DNAJB1: variants seen among roughly 807,000 people sequenced by gnomAD.
DNAJB1 encodes dnaJ homolog subfamily B member 1.
A neutral mutation model predicts 24.0 loss-of-function variants in DNAJB1; 14 were observed. That is an observed-to-expected ratio of 0.58 (90% CI 0.39 to 0.91). The LOEUF (loss-of-function observed/expected upper bound fraction) is 0.91. Ranked by LOEUF, DNAJB1 falls within the 40% of genes least tolerant of loss-of-function variation. DNAJB1 has a pLI of 0.00. For missense variants in DNAJB1, 517 were observed against 458.1 expected (o/e 1.13, Z -1.17); for synonymous variants, 262 against 174.4 (o/e 1.50, Z -3.96).
At chr19:14,519,411 A>C (rs1189157293), upstream of DNAJB1, among the ~76,000 whole-genome samples, 1 of 152,160 alleles carries the variant, frequency 6.6e-6, no homozygotes, top group South Asian at 2.1e-4. Flanking sequence ...ATGAACAAAA[A>C]ACCCACCAGC....
chr19:14,539,140 ATTTTTTTTTTTTTT>A (rs57801378), intron 1 of DNAJB1, among the ~76,000 whole-genome samples: 13 of 92,544 alleles, frequency 1.4e-4, no homozygotes, highest in Admixed American at 1.1e-3. Flanking sequence ...CGCCCGGCTA[ATTTTTTTTTTTTTT>A]TTTTTTTTTT....
At position 14,518,207 on chromosome 19, in the gene DNAJB1, A is replaced by G. The variant is rs199815171; in HGVS notation, c.143T>C (p.Ile48Thr). ...GCTGAGCACGTCGTAGGCCTCAGCG[A>G]TCTCCTTGAACTTCTCCTCGGCGCC... is the stretch of plus-strand genomic sequence containing the variant. ...EPGAEEKFKEIAEAYDVLSDP... is the reference protein window; with the variant it reads ...EPGAEEKFKETAEAYDVLSDP... Residue 48 changes from isoleucine to threonine, a missense_variant, in exon 1 of 3, where the codon ATC (isoleucine) becomes ACC (threonine). By Grantham distance (89) the Ile-to-Thr change is moderately conservative. Transcript: ENST00000254322. The G allele has an allele frequency of 3.7e-6, 6 of 1,609,446 alleles. No homozygotes were observed. In the Admixed American group the frequency reaches 8.4e-5, roughly 23 times the overall value.
chr19:14,557,905 A>C lies in DNAJB1; in HGVS notation c.-2166+2126T>G, dbSNP rs913951437. Among the ~76,000 whole-genome samples the C allele has an allele frequency of 2.0e-5, 3 of 151,460 alleles. No homozygotes were observed. In the East Asian group the frequency reaches 5.8e-4, roughly 29 times the overall value. Reference sequence around the variant, plus strand: ...CGAGTAGCTGGGACTACAGGCACCCACCACCGCACCCGGCTAATTTTTTGT... The same window carrying C: ...CGAGTAGCTGGGACTACAGGCACCCCCCACCGCACCCGGCTAATTTTTTGT... On this transcript the variant is annotated intron_variant, in intron 1 of 5. Transcript: ENST00000679223.
At chr19:14,529,521 C>T (rs1384686372), upstream of DNAJB1, 4 of 831,794 alleles carry the variant, frequency 4.8e-6, no homozygotes, top group East Asian at 2.6e-5. Context: ...CAGGGGCGAA[C>T]GTGGGCGCCT....
intron 1 of DNAJB1, among the ~76,000 whole-genome samples, chr19:14,556,327 T>C (rs1321292231): frequency 4.0e-5 from 6 of 151,512 alleles, no homozygotes; most frequent in Non-Finnish European, 7.4e-5. Flanking sequence ...CTGACCACTC[T>C]CAAATGGCCA....
chr19:14,543,419 A>ATTTTTTTTT lies in DNAJB1; in HGVS notation c.-214+6780_-214+6788dup, dbSNP rs1169742953. On this transcript the variant is annotated intron_variant, in intron 1 of 3. Transcript: ENST00000676982. Reference sequence around the variant, plus strand: ...TATATATATATATATATATATATATATTTTTTTTTTTTTTTTTTTTTTTTT... The same window carrying ATTTTTTTTT: ...TATATATATATATATATATATATATATTTTTTTTTTTTTTTTTTTTTTTTTTTTTTTTTT... Among the ~76,000 whole-genome samples, 2 of 21,894 alleles carry ATTTTTTTTT rather than the reference A, an allele frequency of 9.1e-5. 1 individual carries two copies. Among genetic ancestry groups the ATTTTTTTTT allele is most frequent in the Non-Finnish European group, 1.5e-4 (2 of 13,792 alleles). The allele number at this position is 21,894 out of a possible 152,430, so 14.4% of individuals were successfully genotyped here. A position where few individuals can be genotyped will look rare whatever the true frequency, so the allele number is the denominator to read the frequency against.
At chr19:14,529,855 C>G (rs1252554078), upstream of DNAJB1, 19 of 1,129,464 alleles carry the variant, frequency 1.7e-5, no homozygotes, top group South Asian at 2.6e-5. Flanking sequence ...GCGTTGCGCC[C>G]CGGGCCACTC....
At chr19:14,524,444 G>C (rs1410126717) in intron 2 of DNAJB1, among the ~76,000 whole-genome samples, 2 of 151,826 alleles carry the variant, frequency 1.3e-5, no homozygotes, top group Non-Finnish European at 2.9e-5. Flanking sequence ...GATCACTTGA[G>C]CTCAGGAATT....
At chr19:14,542,013 C>A (rs964284139) in intron 1 of DNAJB1, among the ~76,000 whole-genome samples, 2 of 152,094 alleles carry the variant, frequency 1.3e-5, no homozygotes, top group African/African-American at 4.8e-5. Context: ...GAACTCCTGA[C>A]CTCAAGTGAT....
chr19:14,545,241 A>T (rs1421430342), intron 1 of DNAJB1: 2 of 456,286 alleles, frequency 4.4e-6, no homozygotes, highest in Non-Finnish European at 8.8e-6. Context: ...GCTCCCCCTA[A>T]AATTTACTCT....
intron 1 of DNAJB1, among the ~76,000 whole-genome samples, chr19:14,535,564 ATATATATATATATATATATATATATG>A (rs1288960090): frequency 0.026 from 641 of 24,872 alleles, 15 homozygotes; most frequent in South Asian, 0.14. Flanking sequence ...ATATATATAT[ATATATATATATATATATATATATATG>A]TATGTATATA....
At chr19:14,521,257 G>A (rs2072356079), upstream of DNAJB1, among the ~76,000 whole-genome samples, 1 of 151,810 alleles carries the variant, frequency 6.6e-6, no homozygotes, top group African/African-American at 2.4e-5. Flanking sequence ...TCAGGAGTTC[G>A]AGACCAGTCT....
rs377352641 is a variant in DNAJB1 at position 14,523,844 on chromosome 19, G to A, written c.-90+3882C>T. 9.7e-4 allele frequency among the ~76,000 whole-genome samples: 147 copies of A among 151,966 alleles called. 4 individuals are homozygous for A. In the South Asian group the frequency reaches 0.029, roughly 30 times the overall value. ...TTGCCATGTTGCTCAGGTTGGTCTCGAACACCTGAGCTCAGGTGATCCGCC... is the reference window on the plus strand; with the variant it reads ...TTGCCATGTTGCTCAGGTTGGTCTCAAACACCTGAGCTCAGGTGATCCGCC... On this transcript the variant is annotated intron_variant, in intron 2 of 3. Coordinates refer to the DNAJB1 transcript ENST00000396969.
chr19:14,518,605 A>T (rs1472882198), upstream of DNAJB1, among the ~76,000 whole-genome samples: 1 of 151,754 alleles, frequency 6.6e-6, no homozygotes, highest in Non-Finnish European at 1.5e-5. Flanking sequence ...GCCCTCGGCA[A>T]CACCTCCCCG....
intron 1 of DNAJB1, among the ~76,000 whole-genome samples, chr19:14,539,887 T>G (rs997549499): frequency 6.6e-6 from 1 of 151,350 alleles, no homozygotes; most frequent in Non-Finnish European, 1.5e-5. Context: ...TTTCTTTTTT[T>G]TTTTTTTTCT....
chr19:14,521,100 C>T (rs148938927), upstream of DNAJB1, among the ~76,000 whole-genome samples: 587 of 152,230 alleles, frequency 3.9e-3, 2 homozygotes, highest in Non-Finnish European at 5.1e-3. Context: ...TTTAGAATTA[C>T]AAGTGCAGCA....
At chr19:14,537,841 G>C (rs926970632) in intron 1 of DNAJB1, among the ~76,000 whole-genome samples, 3 of 150,970 alleles carry the variant, frequency 2.0e-5, no homozygotes, top group African/African-American at 4.9e-5. Context: ...CGCCTCCCGG[G>C]TTCAGGCGAT....
rs997981472 is a variant in DNAJB1, at chr19:14,529,100, C to T, written c.-175+110G>A. 17 of 160,460 alleles carry T rather than the reference C, an allele frequency of 1.1e-4. No homozygotes were observed. The South Asian group carries it at 1.1e-3, about 11-fold the overall frequency. 9.9% of individuals were successfully genotyped at this position (160,460 alleles called of 1,614,324 possible). A position where few individuals can be genotyped will look rare whatever the true frequency, so the allele number is the denominator to read the frequency against. On this transcript the variant is annotated intron_variant, in intron 1 of 3. Coordinates refer to the DNAJB1 transcript ENST00000396969. ...CCGTTTCGCCTTTCCTTCCCTCCCA[C>T]TCAAGAGTCTCCTCCCATAGTGACC...
intron 1 of DNAJB1, among the ~76,000 whole-genome samples, chr19:14,556,413 A>AAAAAAAAAAAAGAAAC (rs142293376): frequency 1.2e-4 from 10 of 86,514 alleles, no homozygotes; most frequent in African/African-American, 3.1e-4. Context: ...TCTCTCAAAA[A>AAAAAAAAAAAAGAAAC]AAAAACAAAA....
Sources: allele counts gnomAD v4.1 joint callset (sites outside exome capture counted in the v4.1 genomes callset), GRCh38; gene constraint gnomAD v4.1.1; transcripts MANE v1.5; gene names NCBI Gene and HGNC (gene_info 2026-07-23, HGNC 2026-07-21).